Variants in PMFBP1 observed in about 807,000 individuals in gnomAD.
The protein encoded by PMFBP1 is polyamine-modulated factor 1-binding protein 1.
Under a neutral mutation model 137.8 loss-of-function variants are expected in PMFBP1, and 131 were observed. The ratio of observed to expected loss-of-function variants is 0.95; its 90% CI spans 0.82 to 1.10. The LOEUF is 1.10. PMFBP1 is among the 50% of genes least tolerant of loss of function. The probability of loss-of-function intolerance (pLI) is 0.00; values close to 1 mark genes in which losing one functional copy is unlikely to be tolerated. For missense variants in PMFBP1, 1,199 were observed against 1,175.4 expected (o/e 1.02, Z -0.29); for synonymous variants, 490 against 450.4 (o/e 1.09, Z -1.11).
intron 3 of PMFBP1, among the ~76,000 whole-genome samples, chr16:72,163,303 C>T (rs2043091404): frequency 6.6e-6 from 1 of 152,320 alleles, no homozygotes; most frequent in South Asian, 2.1e-4. Context: ...GATGGCTCCC[C>T]AGCTTATGTG....
the PMFBP1 span, among the ~76,000 whole-genome samples, chr16:72,233,658 G>T: frequency 4.6e-5 from 7 of 152,046 alleles, no homozygotes; most frequent in African/African-American, 1.4e-4. Context: ...ACAGAGCTGT[G>T]TAACTATCAC....
chr16:72,126,045 T>C lies in PMFBP1; in HGVS notation c.2176A>G (p.Ile726Val). The C allele has an allele frequency of 6.2e-7, 1 of 1,614,196 alleles. No individual in the cohort carries two copies. Among genetic ancestry groups the C allele is most frequent in the Non-Finnish European group, 8.5e-7 (1 of 1,180,024 alleles). The change falls in exon 15 of 21, where the codon ATC (isoleucine) becomes GTC (valine). Residue 726 changes from isoleucine (I) to valine (V), a missense_variant. Physicochemically the swap from Ile to Val is conservative, Grantham distance 29 (BLOSUM62 3). Coordinates refer to ENST00000237353, the MANE Select transcript of PMFBP1 (RefSeq NM_031293.3). ...AATGCATCATAGGCTTCTTTGGTGA[T>C]GGTAGTCTGGAGATAGTGCTTCTCC... ...QKEKHYLQTTITKEAYDALSR... is the reference protein window; with the variant it reads ...QKEKHYLQTTVTKEAYDALSR...
At chr16:72,182,789 T>C in the PMFBP1 span, among the ~76,000 whole-genome samples, 5 of 152,200 alleles carry the variant, frequency 3.3e-5, no homozygotes, top group African/African-American at 9.7e-5. Context: ...TATGTAACAG[T>C]CCTGTTGGTT....
At chr16:72,146,901 A>G (rs1038751790) in intron 5 of PMFBP1, among the ~76,000 whole-genome samples, 10 of 152,262 alleles carry the variant, frequency 6.6e-5, no homozygotes, top group Non-Finnish European at 1.5e-5. Context: ...AGAACATTCC[A>G]TGCTCATGGA....
chr16:72,149,453 A>G (rs182450783), intron 5 of PMFBP1, among the ~76,000 whole-genome samples: 4 of 152,370 alleles, frequency 2.6e-5, no homozygotes, highest in Admixed American at 6.5e-5. Context: ...GTTTGTAAAA[A>G]AGAGGAAAAA....
chr16:72,226,174 G>C, the PMFBP1 span, among the ~76,000 whole-genome samples: 1 of 152,104 alleles, frequency 6.6e-6, no homozygotes, highest in Non-Finnish European at 1.5e-5. Flanking sequence ...AACTGGCCCA[G>C]GCTTTGTGAG....
At chr16:72,223,004 T>C in the PMFBP1 span, among the ~76,000 whole-genome samples, 22,228 of 152,118 alleles carry the variant, frequency 0.15, 1,695 homozygotes, top group South Asian at 0.27. Context: ...ATCTTGGGTA[T>C]TAATAAAAGG....
At position 72,129,162 on chromosome 16, in the gene PMFBP1, G is replaced by A. The variant is rs1306137972; in HGVS notation, c.1854C>T (p.Asp618=). 2 of 1,614,182 alleles carry A rather than the reference G, an allele frequency of 1.2e-6. No homozygotes were observed. Among genetic ancestry groups the A allele is most frequent in the South Asian group, 1.1e-5 (1 of 91,090 alleles). The change falls in exon 13 of 21, where the codon GAC becomes GAT. Residue 618 remains aspartate, a synonymous_variant. Coordinates refer to ENST00000237353, the MANE Select transcript of PMFBP1 (RefSeq NM_031293.3). ...TGCTCTTCTTCAACTGCTCCCGTTT[G>A]TCCTCCAGAAGCTTTGTGGCCTCCT... The part of the protein sequence containing the change: ...DLQEATKLLE[D]KREQLKKSKE...
chr16:72,121,498 G>C (rs373569826), intron 19 of PMFBP1, among the ~76,000 whole-genome samples: 1 of 152,322 alleles, frequency 6.6e-6, no homozygotes, highest in East Asian at 1.9e-4. Flanking sequence ...CCTAGAATAG[G>C]GCTTTCCACC....
the PMFBP1 span, among the ~76,000 whole-genome samples, chr16:72,240,974 G>C: frequency 3.4e-4 from 52 of 152,010 alleles, no homozygotes; most frequent in East Asian, 0.01. Flanking sequence ...AGTGGCAAAG[G>C]TGCAGGTGGA....
rs1455117466 is a variant in PMFBP1, at chr16:72,124,700, T to C, written c.2589+67A>G. 5 of 1,537,568 alleles carry C rather than the reference T, an allele frequency of 3.3e-6. No homozygotes were observed. The African/African-American group carries it at 5.5e-5, about 17-fold the overall frequency. On this transcript the variant is annotated intron_variant, in intron 17 of 20. Coordinates refer to ENST00000237353, the MANE Select transcript of PMFBP1 (RefSeq NM_031293.3). The stretch of plus-strand genomic sequence containing the variant: ...CACCCCCACCAAGGGCTGTCTGGCA[T>C]TTGGGTGGTCATAGGATGTGCCTGG...
chr16:72,187,588 C>T, the PMFBP1 span, among the ~76,000 whole-genome samples: 104 of 152,172 alleles, frequency 6.8e-4, 1 homozygote, highest in African/African-American at 2.3e-3. Flanking sequence ...TTTCCTATAG[C>T]GGTTCTTCAG....
chr16:72,214,120 A>C, the PMFBP1 span, among the ~76,000 whole-genome samples: 1 of 152,214 alleles, frequency 6.6e-6, no homozygotes, highest in African/African-American at 2.4e-5. Context: ...AGAAGAGTTG[A>C]AAGTGGTTGC....
chr16:72,249,007 T>C, the PMFBP1 span, among the ~76,000 whole-genome samples: 4 of 152,152 alleles, frequency 2.6e-5, no homozygotes, highest in Non-Finnish European at 5.9e-5. Flanking sequence ...CAGAGCTGTA[T>C]ATAATAAAAG....
At chr16:72,239,890 AAAAAAAAAAAG>A in the PMFBP1 span, among the ~76,000 whole-genome samples, 91 of 134,530 alleles carry the variant, frequency 6.8e-4, no homozygotes, top group Admixed American at 1.5e-3. Context: ...ATGTACAAAA[AAAAAAAAAAAG>A]AAAAAAAAAA....
At chr16:72,165,220 C>T (rs1217131077) in intron 2 of PMFBP1, among the ~76,000 whole-genome samples, 2 of 152,140 alleles carry the variant, frequency 1.3e-5, no homozygotes, top group Non-Finnish European at 2.9e-5. Flanking sequence ...TTCTAGGCAC[C>T]TACTGGACTG....
the PMFBP1 span, among the ~76,000 whole-genome samples, chr16:72,249,763 A>T: frequency 6.6e-5 from 10 of 151,080 alleles, no homozygotes; most frequent in Non-Finnish European, 1.3e-4. Context: ...AAAAATACAA[A>T]AAAAAAAAAT....
chr16:72,152,037 A>G (rs1475183547), intron 4 of PMFBP1, among the ~76,000 whole-genome samples: 1 of 152,206 alleles, frequency 6.6e-6, no homozygotes, highest in Non-Finnish European at 1.5e-5. Flanking sequence ...CCAAGCAAGC[A>G]ATCTACTCAA....
At chr16:72,218,207 G>C in the PMFBP1 span, among the ~76,000 whole-genome samples, 1 of 152,120 alleles carries the variant, frequency 6.6e-6, no homozygotes, top group East Asian at 1.9e-4. Context: ...AGGAATTAGT[G>C]GGAGACACTC....
Sources: gnomAD v4.1 joint callset for allele counts (sites outside exome capture counted in the v4.1 genomes callset) on GRCh38, gnomAD v4.1.1 for gene constraint, MANE v1.5 for transcripts, NCBI Gene and HGNC (gene_info 2026-07-23, HGNC 2026-07-21) for gene names.